The following NRXN3 variants were observed in gnomAD, a reference collection of about 807,000 sequenced individuals.
NRXN3 encodes the protein neurexin III.
In NRXN3, 32 loss-of-function variants were observed where a neutral mutation model predicts 137.6. That is an observed-to-expected ratio of 0.23 (90% CI 0.18 to 0.31). The LOEUF (loss-of-function observed/expected upper bound fraction) is 0.31, where lower values mean the gene tolerates loss of function less well. NRXN3 is among the 10% of genes least tolerant of loss of function. The pLI is 1.00. For synonymous variants in NRXN3, 798 were observed against 784.5 expected, an observed-to-expected ratio of 1.02 and a Z score of -0.29; for missense variants, 1,574 against 2,062.5, an observed-to-expected ratio of 0.76 and a Z score of 4.59.
At chr14:78,816,244 A>G (rs1056203498) in intron 10 of NRXN3, among the ~76,000 whole-genome samples, 4 of 152,190 alleles carry the variant, frequency 2.6e-5, no homozygotes, top group African/African-American at 9.6e-5. Context: ...GCAAAATAGT[A>G]AAAATTCTTC....
chr14:78,426,135 A>G (rs748017611), intron 4 of NRXN3, among the ~76,000 whole-genome samples: 3 of 152,170 alleles, frequency 2.0e-5, no homozygotes, highest in Non-Finnish European at 2.9e-5. Context: ...ACTCTTCTCA[A>G]CTTAGCTGTC....
At chr14:78,925,517 G>A (rs551132936) in intron 10 of NRXN3, among the ~76,000 whole-genome samples, 157 of 152,284 alleles carry the variant, frequency 1.0e-3, no homozygotes, top group African/African-American at 3.5e-3. Context: ...TGATTGTGCA[G>A]CTCTTTTACT....
intron 18 of NRXN3, among the ~76,000 whole-genome samples, chr14:79,694,702 G>A (rs1030577771): frequency 6.6e-6 from 1 of 151,872 alleles, no homozygotes; most frequent in Non-Finnish European, 1.5e-5. Flanking sequence ...AATAGTGATG[G>A]TTTTTTCTGT....
At chr14:78,329,829 G>A (rs1435475735) in intron 4 of NRXN3, among the ~76,000 whole-genome samples, 1 of 152,128 alleles carries the variant, frequency 6.6e-6, no homozygotes, top group Non-Finnish European at 1.5e-5. Flanking sequence ...GAAGACAATA[G>A]GAAGCTCATT....
intron 15 of NRXN3, among the ~76,000 whole-genome samples, chr14:79,099,634 A>G (rs1244575565): frequency 6.6e-6 from 1 of 152,188 alleles, no homozygotes. Context: ...AAACTTTTTC[A>G]TGTATAATTT....
chr14:78,320,781 T>C (rs1365385981), intron 4 of NRXN3, among the ~76,000 whole-genome samples: 3 of 152,204 alleles, frequency 2.0e-5, no homozygotes, highest in Admixed American at 6.5e-5. Flanking sequence ...ATTTCACTGA[T>C]GAGGAAATCG....
At chr14:78,418,273 G>T (rs1186415227) in intron 4 of NRXN3, among the ~76,000 whole-genome samples, 1 of 152,188 alleles carries the variant, frequency 6.6e-6, no homozygotes, top group Non-Finnish European at 1.5e-5. Flanking sequence ...TGGGGCTTTT[G>T]TGTGTTAGAA....
intron 10 of NRXN3, among the ~76,000 whole-genome samples, chr14:78,934,149 G>GA (rs528021516): frequency 2.7e-4 from 23 of 83,778 alleles, no homozygotes; most frequent in African/African-American, 1.1e-3. Flanking sequence ...CAGAGGACAA[G>GA]AAAACGACAA....
At chr14:79,286,656 C>A (rs2082316706) in intron 15 of NRXN3, among the ~76,000 whole-genome samples, 1 of 151,362 alleles carries the variant, frequency 6.6e-6, no homozygotes, top group African/African-American at 2.4e-5. Flanking sequence ...TTTCTGTGCT[C>A]AAAATGCGTG....
chr14:78,393,433 C>T (rs11159354), intron 4 of NRXN3, among the ~76,000 whole-genome samples: 140,972 of 152,048 alleles, frequency 0.93, 65,805 homozygotes, highest in Middle Eastern at 0.98. Flanking sequence ...ACTAACTTCC[C>T]GTAGGCCTAT....
At chr14:78,680,648 A>C (rs2098065006) in intron 6 of NRXN3, among the ~76,000 whole-genome samples, 1 of 152,100 alleles carries the variant, frequency 6.6e-6, no homozygotes, top group South Asian at 2.1e-4. Context: ...ACTTATAGCA[A>C]CTGAAAGTAG....
intron 15 of NRXN3, among the ~76,000 whole-genome samples, chr14:79,362,832 G>T (rs1210678526): frequency 6.6e-6 from 1 of 152,144 alleles, no homozygotes; most frequent in African/African-American, 2.4e-5. Flanking sequence ...CAGATTACTG[G>T]GTTGAATGGC....
chr14:79,815,316 A>C (rs1049065800), intron 20 of NRXN3, among the ~76,000 whole-genome samples: 1 of 152,240 alleles, frequency 6.6e-6, no homozygotes, highest in African/African-American at 2.4e-5. Context: ...AAAAATGAGT[A>C]ATAGGTGATA....
chr14:79,721,576 GAA>G (rs2098844740), intron 19 of NRXN3, among the ~76,000 whole-genome samples: 1 of 152,064 alleles, frequency 6.6e-6, no homozygotes, highest in African/African-American at 2.4e-5. Flanking sequence ...GGAATTGAAG[GAA>G]TGACTTCGGA....
At chr14:78,993,068 A>G (rs7150552) in intron 15 of NRXN3, among the ~76,000 whole-genome samples, 17,139 of 152,224 alleles carry the variant, frequency 0.11, 1,066 homozygotes, top group Middle Eastern at 0.2. Flanking sequence ...CTTGCAACAA[A>G]TCAATAGCAA....
intron 16 of NRXN3, among the ~76,000 whole-genome samples, chr14:79,597,126 T>A (rs887683797): frequency 6.6e-6 from 1 of 152,126 alleles, no homozygotes; most frequent in Non-Finnish European, 1.5e-5. Context: ...TTAGATTACC[T>A]CTTAGATTAG....
chr14:79,596,959 C>T (rs1024484411), intron 16 of NRXN3, among the ~76,000 whole-genome samples: 3 of 152,028 alleles, frequency 2.0e-5, no homozygotes, highest in Non-Finnish European at 4.4e-5. Flanking sequence ...CTTATGGAGT[C>T]GTAACTATTA....
At chr14:79,851,833 T>TC (rs1286485768) in intron 20 of NRXN3, among the ~76,000 whole-genome samples, 13 of 152,184 alleles carry the variant, frequency 8.5e-5, no homozygotes, top group Admixed American at 2.0e-4. Flanking sequence ...GGCATAGTTT[T>TC]CCCCAACGTA....
intron 15 of NRXN3, among the ~76,000 whole-genome samples, chr14:79,333,223 G>T (rs180858333): frequency 2.0e-4 from 30 of 152,142 alleles, no homozygotes; most frequent in African/African-American, 5.3e-4. Context: ...CACACTGGGG[G>T]GATAGAGACT....
Sources: allele counts gnomAD v4.1 joint callset (sites outside exome capture counted in the v4.1 genomes callset), GRCh38; gene constraint gnomAD v4.1.1; transcripts MANE v1.5; gene names NCBI Gene and HGNC (gene_info 2026-07-23, HGNC 2026-07-21).